Variants in B3GAT2 observed in about 807,000 individuals in gnomAD.
The protein encoded by B3GAT2 is beta-1,3-glucuronyltransferase 2, also known as galactosylgalactosylxylosylprotein 3-beta-glucuronosyltransferase 2.
B3GAT2 carries 26 observed loss-of-function variants against 27.8 expected under a neutral mutation model. That is an observed-to-expected ratio of 0.93 (90% confidence interval 0.68 to 1.30). The LOEUF (loss-of-function observed/expected upper bound fraction) is 1.30, where lower values mean the gene tolerates loss of function less well. B3GAT2 is among the 50% of genes most tolerant of loss of function. The pLI is 0.00. For synonymous variants in B3GAT2, 218 were observed against 195.1 expected, an observed-to-expected ratio of 1.12 and a Z score of -0.98; for missense variants, 458 against 459.0, an observed-to-expected ratio of 1.00 and a Z score of 0.02.
chr6:70,937,489 T>C (rs904259321), intron 1 of B3GAT2, among the ~76,000 whole-genome samples: 1 of 152,146 alleles, frequency 6.6e-6, no homozygotes, highest in African/African-American at 2.4e-5. Context: ...TGAACATGGA[T>C]GCAAAAATCC....
In B3GAT2 at chr6:70,956,512, C is replaced by A; in HGVS notation, c.-83G>T. 2 of 1,538,446 alleles carry A rather than the reference C, an allele frequency of 1.3e-6. No homozygotes were observed. The highest frequency in any genetic ancestry group is 1.8e-6 in the Non-Finnish European group (2 of 1,142,302). ...GTGCGCAGCTTGGACAGCGGCGGCG[C>A]CAGCACTTAGGGAGTGGTGATGGGT... On this transcript the variant is annotated 5_prime_UTR_variant, in exon 1 of 4. Transcript: ENST00000230053.
At position 70,956,986 on chromosome 6, in the gene B3GAT2, G is replaced by T; in HGVS notation, c.-557C>A. ...ACGCTGGGGGTTGTGTCCCGGCTGT[G>T]TTCGCGCGCCGCAGCGGAAGCCTGC... On this transcript the variant is annotated 5_prime_UTR_variant, in exon 1 of 4. Transcript: ENST00000230053. 1 of 996,810 alleles carries T rather than the reference G, an allele frequency of 1.0e-6. No homozygotes were observed. The highest frequency in any genetic ancestry group is 1.2e-6 in the Non-Finnish European group (1 of 838,072). The allele number at this position is 996,810 out of a possible 1,614,324, so 61.7% of individuals were successfully genotyped here.
Position 70,860,114 on chromosome 6 carries a change from GA to G in B3GAT2, c.*1548del. 1.6e-5 allele frequency: 23 copies of G among 1,452,370 alleles called. No homozygotes were observed. The highest frequency in any genetic ancestry group is 2.1e-5 in the Non-Finnish European group (23 of 1,091,208). 90.0% of individuals were successfully genotyped at this position (1,452,370 alleles called of 1,614,324 possible). A position where few individuals can be genotyped will look rare whatever the true frequency, so the allele number is the denominator to read the frequency against. The stretch of plus-strand genomic sequence containing the variant: ...TGCTTGGACTAGTTGTCACATTAAT[GA>G]AAAAATGACCAACTGTGTGGCTAAA... On this transcript the variant is annotated 3_prime_UTR_variant, in exon 4 of 4. Coordinates refer to ENST00000230053, the MANE Select transcript of B3GAT2 (RefSeq NM_080742.3).
intron 2 of B3GAT2, among the ~76,000 whole-genome samples, chr6:70,890,103 C>T (rs1461177318): frequency 6.6e-6 from 1 of 152,082 alleles, no homozygotes; most frequent in Non-Finnish European, 1.5e-5. Flanking sequence ...TTTGCTCAGA[C>T]CATTCTGCTT....
intron 1 of B3GAT2, among the ~76,000 whole-genome samples, chr6:70,918,825 A>C (rs181810108): frequency 0.025 from 3,752 of 152,148 alleles, 78 homozygotes; most frequent in Non-Finnish European, 0.037. Context: ...GCTGCCCTTA[A>C]CATTTTTTCC....
intron 1 of B3GAT2, among the ~76,000 whole-genome samples, chr6:70,939,762 G>T (rs896067826): frequency 2.0e-5 from 3 of 147,968 alleles, no homozygotes; most frequent in Non-Finnish European, 3.0e-5. Flanking sequence ...GGGTTGGGGG[G>T]AGGGATAGCA....
chr6:70,931,219 G>T (rs1773058478), intron 1 of B3GAT2, among the ~76,000 whole-genome samples: 1 of 151,970 alleles, frequency 6.6e-6, no homozygotes, highest in Non-Finnish European at 1.5e-5. Flanking sequence ...AGCATTAGGA[G>T]AATACCTAAT....
intron 1 of B3GAT2, among the ~76,000 whole-genome samples, chr6:70,950,879 G>A (rs1765568949): frequency 6.6e-6 from 1 of 152,260 alleles, no homozygotes; most frequent in South Asian, 2.1e-4. Context: ...TATTTTGCTT[G>A]TATCCATGAT....
chr6:70,947,455 C>G (rs1020065378), intron 1 of B3GAT2, among the ~76,000 whole-genome samples: 7 of 152,154 alleles, frequency 4.6e-5, no homozygotes, highest in African/African-American at 1.7e-4. Flanking sequence ...ACAAACACCT[C>G]TACGCAAATA....
At chr6:70,932,601 A>C (rs1386439781) in intron 1 of B3GAT2, among the ~76,000 whole-genome samples, 2 of 152,174 alleles carry the variant, frequency 1.3e-5, no homozygotes, top group Non-Finnish European at 2.9e-5. Flanking sequence ...CATGGAAAAG[A>C]GATTAGAGGT....
chr6:70,898,405 A>G (rs538016203), intron 1 of B3GAT2, among the ~76,000 whole-genome samples: 8 of 152,204 alleles, frequency 5.3e-5, no homozygotes, highest in Admixed American at 6.5e-5. Context: ...CACCTCCCCA[A>G]CTCACTCCAG....
chr6:70,930,001 C>T (rs536195145), intron 1 of B3GAT2, among the ~76,000 whole-genome samples: 1 of 152,118 alleles, frequency 6.6e-6, no homozygotes, highest in African/African-American at 2.4e-5. Context: ...GAGATATAGA[C>T]CAATGGCACA....
intron 1 of B3GAT2, among the ~76,000 whole-genome samples, chr6:70,907,525 T>C (rs979661470): frequency 6.6e-6 from 1 of 152,214 alleles, no homozygotes; most frequent in African/African-American, 2.4e-5. Flanking sequence ...ATGTGGCTTC[T>C]TGCTCAACAC....
chr6:70,900,849 C>A (rs1297646881), intron 1 of B3GAT2, among the ~76,000 whole-genome samples: 1 of 152,168 alleles, frequency 6.6e-6, no homozygotes. Context: ...AGTTATCGAT[C>A]TTCTGAAATT....
chr6:70,929,979 GA>G (rs1238698193), intron 1 of B3GAT2, among the ~76,000 whole-genome samples: 8 of 152,170 alleles, frequency 5.3e-5, no homozygotes, highest in African/African-American at 1.9e-4. Context: ...GCATGGTACT[GA>G]TACTAAAACA....
In B3GAT2 at chr6:70,919,900, C is replaced by T. The variant is rs139132897; in HGVS notation, c.592-25628G>A. 9.5e-3 allele frequency among the ~76,000 whole-genome samples: 1,442 copies of T among 152,262 alleles called. 16 individuals are homozygous for T. The highest frequency in any genetic ancestry group is 0.027 in the African/African-American group (1,104 of 41,526). The stretch of plus-strand genomic sequence containing the variant: ...AGTCTGTCCGTTATCAGAGCTTGAA[C>T]GCCCCCGTGCTGGGAGAACCACTGC... On this transcript the variant is annotated intron_variant, in intron 1 of 3. Coordinates refer to ENST00000230053, the MANE Select transcript of B3GAT2 (RefSeq NM_080742.3).
rs780887851 is a variant in B3GAT2, at chr6:70,860,512, G to A, written c.*1151C>T. The A allele has an allele frequency of 1.8e-5, 11 of 599,142 alleles. No individual in the cohort carries two copies. Among genetic ancestry groups the A allele is most frequent in the Non-Finnish European group, 2.8e-5 (11 of 398,068 alleles). 37.1% of individuals were successfully genotyped at this position (599,142 alleles called of 1,614,324 possible). On this transcript the variant is annotated 3_prime_UTR_variant, in exon 4 of 4. Coordinates refer to ENST00000230053, the MANE Select transcript of B3GAT2 (RefSeq NM_080742.3). ...ATTCAATTTGATGTGGTGAAAAGCAGGTTGATAAATCATTTTATGTCAAGG... is the reference window on the plus strand; with the variant it reads ...ATTCAATTTGATGTGGTGAAAAGCAAGTTGATAAATCATTTTATGTCAAGG...
intron 2 of B3GAT2, among the ~76,000 whole-genome samples, chr6:70,864,318 T>C (rs1771815634): frequency 1.3e-5 from 2 of 152,214 alleles, no homozygotes; most frequent in South Asian, 2.1e-4. Flanking sequence ...ATTCTTTTGT[T>C]GCTTTCCTTA....
At chr6:70,925,385 C>A (rs1192703888) in intron 1 of B3GAT2, among the ~76,000 whole-genome samples, 1 of 152,200 alleles carries the variant, frequency 6.6e-6, no homozygotes, top group Non-Finnish European at 1.5e-5. Context: ...TCAGGGAATT[C>A]CCTTTCCTAG....
Sources: allele counts gnomAD v4.1 joint callset (sites outside exome capture counted in the v4.1 genomes callset), GRCh38; gene constraint gnomAD v4.1.1; transcripts MANE v1.5; gene names NCBI Gene and HGNC (gene_info 2026-07-23, HGNC 2026-07-21).